CLN3: variants seen among roughly 807,000 people sequenced by gnomAD.
The protein encoded by CLN3 is CLN3 lysosomal/endosomal transmembrane protein, battenin, also known as battenin.
CLN3 carries 49 observed loss-of-function variants against 60.7 expected under a neutral mutation model. The ratio of observed to expected loss-of-function variants is 0.81; its 90% CI spans 0.64 to 1.02. The LOEUF (loss-of-function observed/expected upper bound fraction) is 1.02, where lower values mean the gene tolerates loss of function less well. CLN3 is among the 50% of genes least tolerant of loss of function. The pLI, the probability that CLN3 is intolerant of heterozygous loss-of-function variation, is 0.00. For synonymous variants in CLN3, 256 were observed against 245.8 expected (o/e 1.04, Z -0.39); for missense variants, 516 against 557.4 (o/e 0.93, Z 0.75).
chr16:28,482,770 G>A (rs1002041670), intron 10 of CLN3, 98 bp from the exon 11 acceptor site: 36 of 1,290,486 alleles, frequency 2.8e-5, no homozygotes, highest in Non-Finnish European at 4.0e-5. Flanking sequence ...CCACGCAACA[G>A]TGGGAACTCA....
intron 7 of CLN3, chr16:28,487,051 C>T (rs570615568): frequency 8.3e-6 from 3 of 363,256 alleles, no homozygotes; most frequent in South Asian, 7.3e-5. Flanking sequence ...GCTGGGATTA[C>T]AGGCTCCTGC....
At chr16:28,484,443 G>T in intron 9 of CLN3, 1 of 305,834 alleles carries the variant, frequency 3.3e-6, no homozygotes, top group Non-Finnish European at 6.4e-6. Context: ...CGACCTCCCA[G>T]GCTCAAGCAA....
chr16:28,481,338 T>C (rs2046087039), intron 14 of CLN3, among the ~76,000 whole-genome samples: 1 of 151,454 alleles, frequency 6.6e-6, no homozygotes, highest in African/African-American at 2.4e-5. Flanking sequence ...CAAGCTCAAA[T>C]GATCCACCTG....
rs1421963383 is a variant in CLN3 at position 28,477,947 on chromosome 16, A to C, written c.1057-70T>G. On this transcript the variant is annotated intron_variant, in intron 14 of 15. Coordinates refer to ENST00000636147, the MANE Select transcript of CLN3 (RefSeq NM_001042432.2). ...GGGAAGGAGAGGTGGCCTCCCCTCCAGGGGTCCCTGGTTTTAGGAGTTACT... is the reference window on the plus strand; with the variant it reads ...GGGAAGGAGAGGTGGCCTCCCCTCCCGGGGTCCCTGGTTTTAGGAGTTACT... The C allele has an allele frequency of 1.0e-5, 16 of 1,570,344 alleles. No individual in the cohort carries two copies. In the Admixed American group the frequency reaches 2.8e-4, roughly 27 times the overall value.
chr16:28,488,563 G>T (rs1293711925), intron 5 of CLN3, 28 bp downstream of exon 5: 1 of 1,609,590 alleles, frequency 6.2e-7, no homozygotes, highest in African/African-American at 1.3e-5. Flanking sequence ...CCTGGGTCAG[G>T]CAAGGACCAG....
Position 28,484,059 on chromosome 16 carries a change from T to A in CLN3, c.737A>T (p.Glu246Val), listed in dbSNP as rs2046159849. 3.1e-6 allele frequency: 5 copies of A among 1,612,808 alleles called. No individual in the cohort carries two copies. The highest frequency in any genetic ancestry group is 4.2e-6 in the Non-Finnish European group (5 of 1,179,522). The change falls in exon 10 of 16, where the codon GAG (glutamate) becomes GTG (valine). Residue 246 changes from glutamate (E) to valine (V), a missense_variant. Transcript: ENST00000636147. The stretch of plus-strand genomic sequence containing the variant: ...TATGAGGGGCTGCCGGGCTGCGCTC[T>A]CTGCTTCTTCTTCCCCTCCAGGGTC... ...AQDPGGEEEA[E>V]SAARQPLIRT...
At chr16:28,486,813 G>A in intron 7 of CLN3, 163 bp from the exon 8 acceptor site, 1 of 712,738 alleles carries the variant, frequency 1.4e-6, no homozygotes. Context: ...CCACTCCCCT[G>A]CGTGTCCCTT....
At chr16:28,483,664 T>A (rs1246551330) in intron 10 of CLN3, among the ~76,000 whole-genome samples, 2 of 151,360 alleles carry the variant, frequency 1.3e-5, no homozygotes, top group African/African-American at 4.9e-5. Context: ...ACATGGTAAG[T>A]ACTCAATTAA....
At chr16:28,468,801 T>C in the CLN3 span, among the ~76,000 whole-genome samples, 2 of 78,082 alleles carry the variant, frequency 2.6e-5, no homozygotes, top group Admixed American at 1.6e-4. Context: ...AGTGAGACTC[T>C]GTCTCAAAAA....
chr16:28,479,921 TAAGG>T (rs1414144342), intron 14 of CLN3, among the ~76,000 whole-genome samples: 1 of 152,132 alleles, frequency 6.6e-6, no homozygotes. Context: ...CTCAGATAAA[TAAGG>T]AAGGAGGCTG....
At chr16:28,472,666 C>A (rs1458229548), downstream of CLN3, among the ~76,000 whole-genome samples, 2 of 151,264 alleles carry the variant, frequency 1.3e-5, no homozygotes, top group East Asian at 2.0e-4. Context: ...CACGGTGAAA[C>A]CCCGCCTCTA....
At chr16:28,491,204 T>A (rs558722087) in intron 3 of CLN3, 149 of 486,676 alleles carry the variant, frequency 3.1e-4, no homozygotes, top group Non-Finnish European at 5.0e-4. Flanking sequence ...GTTTTCTTTT[T>A]AAAAATATGT....
intron 13 of CLN3, 56 bp downstream of exon 13, chr16:28,482,271 C>G (rs1567257221): frequency 1.2e-6 from 2 of 1,604,250 alleles, no homozygotes; most frequent in Non-Finnish European, 1.7e-6. Context: ...GCCTACTGGG[C>G]AGGGCAGCTG....
chr16:28,473,105 T>C (rs1220088673), downstream of CLN3, among the ~76,000 whole-genome samples: 1 of 151,916 alleles, frequency 6.6e-6, no homozygotes, highest in Non-Finnish European at 1.5e-5. Context: ...ACCTGGCTTA[T>C]TTTATTTTTA....
Position 28,487,549 on chromosome 16 carries a change from G to C in CLN3, c.375-8C>G. On this transcript the variant is annotated splice_region_variant and splice_polypyrimidine_tract_variant and intron_variant, in intron 6 of 15. Transcript: ENST00000636147. ...CTGACGAGAACCCGGGGGCTGAGGGGGTGAGAAGGGAAGGGAGGGGGAAGG... is the reference window on the plus strand; with the variant it reads ...CTGACGAGAACCCGGGGGCTGAGGGCGTGAGAAGGGAAGGGAGGGGGAAGG... 1 of 1,613,064 alleles carries C rather than the reference G, an allele frequency of 6.2e-7. No homozygotes were observed. Among genetic ancestry groups the C allele is most frequent in the Non-Finnish European group, 8.5e-7 (1 of 1,179,230 alleles).
At chr16:28,472,400 A>G (rs1226899437), downstream of CLN3, among the ~76,000 whole-genome samples, 40 of 152,210 alleles carry the variant, frequency 2.6e-4, no homozygotes, top group Non-Finnish European at 5.9e-5. Context: ...AAAATAAAAA[A>G]TAAAAGTAAA....
At position 28,477,434 on chromosome 16, in the gene CLN3, G is replaced by A; in HGVS notation, c.*82C>T. On this transcript the variant is annotated 3_prime_UTR_variant, in exon 16 of 16. Coordinates refer to ENST00000636147, the MANE Select transcript of CLN3 (RefSeq NM_001042432.2). ...GAAGGCTGGGAGCACAGTTCATGGAGGGTCTCTGGGGTGGGCCTGGGTGTC... is the reference window on the plus strand; with the variant it reads ...GAAGGCTGGGAGCACAGTTCATGGAAGGTCTCTGGGGTGGGCCTGGGTGTC... 6.3e-7 allele frequency: 1 copy of A among 1,582,232 alleles called. No homozygotes were observed. Among genetic ancestry groups the A allele is most frequent in the Non-Finnish European group, 8.6e-7 (1 of 1,156,400 alleles).
intron 7 of CLN3, 164 bp from the exon 8 acceptor site, chr16:28,486,814 C>T (rs530654271): frequency 2.8e-6 from 2 of 708,558 alleles, no homozygotes; most frequent in Non-Finnish European, 5.0e-6. Flanking sequence ...CACTCCCCTG[C>T]GTGTCCCTTC....
chr16:28,481,973 C>G (rs549576410), intron 14 of CLN3, 132 bp downstream of exon 14: 1 of 645,906 alleles, frequency 1.5e-6, no homozygotes, highest in Non-Finnish European at 2.6e-6. Context: ...GACGACAGAG[C>G]GAGACTCTGT....
Sources: allele counts gnomAD v4.1 joint callset (sites outside exome capture counted in the v4.1 genomes callset), GRCh38; gene constraint gnomAD v4.1.1; transcripts MANE v1.5; gene names NCBI Gene and HGNC (gene_info 2026-07-23, HGNC 2026-07-21).